The following WDR70 variants were observed in gnomAD, a reference collection of about 807,000 sequenced individuals.
The protein encoded by WDR70 is WD repeat domain 70.
A neutral mutation model predicts 88.6 loss-of-function variants in WDR70; 53 were observed. That is an observed-to-expected ratio of 0.60 (90% CI 0.48 to 0.75). WDR70 has a LOEUF of 0.75. Ranked by LOEUF, WDR70 falls within the 30% of genes least tolerant of loss-of-function variation. The pLI, the probability that WDR70 is intolerant of heterozygous loss-of-function variation, is 0.00. For synonymous variants in WDR70, 280 were observed against 270.0 expected, an observed-to-expected ratio of 1.04 and a Z score of -0.36; for missense variants, 610 against 823.2, an observed-to-expected ratio of 0.74 and a Z score of 3.17.
At chr5:37,485,989 A>G (rs1179068020) in intron 8 of WDR70, among the ~76,000 whole-genome samples, 2 of 151,160 alleles carry the variant, frequency 1.3e-5, no homozygotes, top group Non-Finnish European at 2.9e-5. Flanking sequence ...TGCTGGGATT[A>G]CAGGCGTTAG....
chr5:37,717,177 A>C (rs963316293), intron 13 of WDR70, among the ~76,000 whole-genome samples: 2 of 152,258 alleles, frequency 1.3e-5, no homozygotes, highest in Admixed American at 1.3e-4. Flanking sequence ...GTAAAGTTCA[A>C]CTTTGGCAGC....
chr5:37,451,263 A>G (rs1234587011), intron 7 of WDR70, among the ~76,000 whole-genome samples: 1 of 152,100 alleles, frequency 6.6e-6, no homozygotes, highest in East Asian at 1.9e-4. Context: ...AAGAAAGAAA[A>G]TAAAATCATT....
At chr5:37,556,482 T>A (rs1742298151) in intron 9 of WDR70, among the ~76,000 whole-genome samples, 3 of 152,250 alleles carry the variant, frequency 2.0e-5, no homozygotes, top group African/African-American at 7.2e-5. Context: ...AATAAACATA[T>A]GTTATCTTCA....
At chr5:37,627,475 TG>T (rs1446354626) in intron 10 of WDR70, among the ~76,000 whole-genome samples, 1 of 152,158 alleles carries the variant, frequency 6.6e-6, no homozygotes, top group African/African-American at 2.4e-5. Flanking sequence ...GGGGTTTGTT[TG>T]TTTTTTTTCT....
intron 8 of WDR70, among the ~76,000 whole-genome samples, chr5:37,514,969 A>G (rs1038254460): frequency 6.6e-6 from 1 of 151,622 alleles, no homozygotes; most frequent in Non-Finnish European, 1.5e-5. Flanking sequence ...TAAGCTGTGA[A>G]CATGCCACTG....
At chr5:37,696,466 C>G (rs1247635538) in intron 10 of WDR70, among the ~76,000 whole-genome samples, 3 of 152,138 alleles carry the variant, frequency 2.0e-5, no homozygotes, top group Non-Finnish European at 4.4e-5. Flanking sequence ...GTGACTCATT[C>G]TTCATAAGGG....
chr5:37,513,526 A>G (rs1326862053), intron 8 of WDR70, among the ~76,000 whole-genome samples: 1 of 152,198 alleles, frequency 6.6e-6, no homozygotes, highest in Non-Finnish European at 1.5e-5. Context: ...TGGACTGTGT[A>G]TATTAGGGTT....
intron 7 of WDR70, among the ~76,000 whole-genome samples, chr5:37,453,246 G>T (rs28658084): frequency 2.0e-5 from 3 of 152,314 alleles, no homozygotes; most frequent in African/African-American, 7.2e-5. Context: ...ATAGAGCTGT[G>T]AAGTGGGAAA....
In WDR70 at chr5:37,580,816, A is replaced by G. The variant is rs575413874; in HGVS notation, c.918-24248A>G. Among the ~76,000 whole-genome samples, 27 of 152,256 alleles carry G rather than the reference A, an allele frequency of 1.8e-4. No individual in the cohort carries two copies. The South Asian group carries it at 5.4e-3, about 30-fold the overall frequency. On this transcript the variant is annotated intron_variant, in intron 9 of 17. Coordinates refer to ENST00000265107, the MANE Select transcript of WDR70 (RefSeq NM_018034.4). The stretch of plus-strand genomic sequence containing the variant: ...ATTATTATCAGTTCAAAACAGCACT[A>G]TTTATTTTTTCTTTTGATTTGTTAA...
intron 13 of WDR70, among the ~76,000 whole-genome samples, chr5:37,712,113 C>G (rs1017014483): frequency 2.0e-5 from 3 of 151,226 alleles, no homozygotes; most frequent in African/African-American, 7.3e-5. Flanking sequence ...CTGCCTCAGC[C>G]TTCTGAGTAG....
intron 4 of WDR70, among the ~76,000 whole-genome samples, chr5:37,394,181 T>G (rs1258663414): frequency 6.6e-6 from 1 of 151,334 alleles, no homozygotes; most frequent in African/African-American, 2.4e-5. Flanking sequence ...GGCTCATGCC[T>G]GTAATTCCAG....
At chr5:37,471,043 A>G (rs924709387) in intron 7 of WDR70, among the ~76,000 whole-genome samples, 3 of 151,994 alleles carry the variant, frequency 2.0e-5, no homozygotes, top group African/African-American at 7.3e-5. Context: ...GCCACCACGC[A>G]TGGCTAATTT....
intron 5 of WDR70, among the ~76,000 whole-genome samples, chr5:37,416,248 T>A (rs1749744425): frequency 6.6e-6 from 1 of 152,182 alleles, no homozygotes; most frequent in Non-Finnish European, 1.5e-5. Context: ...CGAGACTCCG[T>A]CTGCAATCCC....
chr5:37,736,587 C>T (rs1242434043), intron 17 of WDR70, among the ~76,000 whole-genome samples: 1 of 149,206 alleles, frequency 6.7e-6, no homozygotes, highest in Non-Finnish European at 1.5e-5. Flanking sequence ...GTTTTGTGAA[C>T]TGCCTGCATC....
chr5:37,706,567 TGTAA>T (rs1561082906), intron 13 of WDR70, among the ~76,000 whole-genome samples: 1 of 152,190 alleles, frequency 6.6e-6, no homozygotes, highest in East Asian at 1.9e-4. Flanking sequence ...CCTGCCACCA[TGTAA>T]GACGTGCCTT....
chr5:37,543,951 T>C (rs1741909165), intron 9 of WDR70, among the ~76,000 whole-genome samples: 1 of 152,098 alleles, frequency 6.6e-6, no homozygotes, highest in South Asian at 2.1e-4. Flanking sequence ...TTTGTATTTT[T>C]AATGGAGACG....
intron 9 of WDR70, among the ~76,000 whole-genome samples, chr5:37,587,593 T>C (rs11954727): frequency 0.47 from 70,742 of 151,406 alleles, 18,042 homozygotes; most frequent in Non-Finnish European, 0.58. Flanking sequence ...CATGTTTTCC[T>C]CTCTTCCCCA....
chr5:37,536,289 T>G (rs188256592), intron 9 of WDR70, among the ~76,000 whole-genome samples: 1 of 152,320 alleles, frequency 6.6e-6, no homozygotes, highest in East Asian at 1.9e-4. Context: ...AAAAGCAGTT[T>G]CATTACTTCT....
At chr5:37,703,966 C>T (rs1463607629) in intron 13 of WDR70, among the ~76,000 whole-genome samples, 1 of 152,172 alleles carries the variant, frequency 6.6e-6, no homozygotes, top group Admixed American at 6.5e-5. Flanking sequence ...ATATTATGCA[C>T]TTACGTGACT....
Sources: gnomAD v4.1 joint callset for allele counts (sites outside exome capture counted in the v4.1 genomes callset) on GRCh38, gnomAD v4.1.1 for gene constraint, MANE v1.5 for transcripts, NCBI Gene and HGNC (gene_info 2026-07-23, HGNC 2026-07-21) for gene names.